PPM1H: variants seen among roughly 807,000 people sequenced by gnomAD.
PPM1H encodes the protein protein phosphatase, Mg2+/Mn2+ dependent 1H.
In PPM1H, 27 loss-of-function variants were observed where a neutral mutation model predicts 54.9. The observed-to-expected ratio is 0.49, with a 90% CI of 0.36 to 0.68. PPM1H has a LOEUF of 0.68. PPM1H is among the 30% of genes least tolerant of loss of function. The pLI is 0.00. For synonymous variants in PPM1H, 305 were observed against 270.8 expected, an observed-to-expected ratio of 1.13 and a Z score of -1.24; for missense variants, 596 against 667.8, an observed-to-expected ratio of 0.89 and a Z score of 1.19.
intron 3 of PPM1H, among the ~76,000 whole-genome samples, chr12:62,793,410 A>C (rs1264761584): frequency 1.3e-5 from 2 of 151,936 alleles, no homozygotes; most frequent in Non-Finnish European, 2.9e-5. Flanking sequence ...TCCTTGTTGC[A>C]AGGAGAAACG....
At chr12:62,929,043 C>A (rs1350631694) in intron 1 of PPM1H, among the ~76,000 whole-genome samples, 1 of 152,182 alleles carries the variant, frequency 6.6e-6, no homozygotes, top group Non-Finnish European at 1.5e-5. Context: ...CCTAATGTGA[C>A]TTAAAGGCTC....
chr12:62,895,326 T>A (rs1017257577), intron 1 of PPM1H, among the ~76,000 whole-genome samples: 24 of 152,194 alleles, frequency 1.6e-4, no homozygotes, highest in Admixed American at 1.3e-4. Flanking sequence ...TCAATGGTGG[T>A]ATTGGTTCAT....
intron 1 of PPM1H, among the ~76,000 whole-genome samples, chr12:62,875,458 G>T (rs931345225): frequency 2.6e-5 from 4 of 152,160 alleles, no homozygotes; most frequent in African/African-American, 9.7e-5. Flanking sequence ...GGCGAGGAAA[G>T]GTACATTCAC....
At chr12:62,904,803 T>C (rs1049869784) in intron 1 of PPM1H, among the ~76,000 whole-genome samples, 2 of 152,212 alleles carry the variant, frequency 1.3e-5, no homozygotes, top group African/African-American at 2.4e-5. Flanking sequence ...GTATATAAAA[T>C]AGTAGCGTGC....
At chr12:62,914,541 G>A (rs1302648779) in intron 1 of PPM1H, among the ~76,000 whole-genome samples, 3 of 152,290 alleles carry the variant, frequency 2.0e-5, no homozygotes, top group African/African-American at 7.2e-5. Context: ...CACATCTGTG[G>A]GAGAGGGAAG....
At chr12:62,655,127 A>G (rs2075836933) in intron 9 of PPM1H, among the ~76,000 whole-genome samples, 1 of 152,200 alleles carries the variant, frequency 6.6e-6, no homozygotes, top group Admixed American at 6.5e-5. Context: ...GAAACTCAGC[A>G]ACAGCATTAG....
At chr12:62,760,682 C>T (rs1179174475) in intron 4 of PPM1H, among the ~76,000 whole-genome samples, 4 of 152,164 alleles carry the variant, frequency 2.6e-5, no homozygotes, top group Admixed American at 6.5e-5. Context: ...TCATCAGACC[C>T]CACTAAATAT....
intron 7 of PPM1H, among the ~76,000 whole-genome samples, chr12:62,693,119 T>C (rs1056567929): frequency 6.6e-6 from 1 of 152,212 alleles, no homozygotes; most frequent in Non-Finnish European, 1.5e-5. Flanking sequence ...TGAAATGTAT[T>C]AGTGTTCCGA....
intron 1 of PPM1H, among the ~76,000 whole-genome samples, chr12:62,908,923 A>C (rs1286228128): frequency 1.3e-5 from 2 of 152,174 alleles, no homozygotes; most frequent in African/African-American, 2.4e-5. Context: ...TATCTGCTTA[A>C]AGGGGTGGAT....
intron 7 of PPM1H, among the ~76,000 whole-genome samples, chr12:62,691,501 T>C (rs925057833): frequency 6.6e-5 from 10 of 152,010 alleles, no homozygotes; most frequent in African/African-American, 2.4e-4. Flanking sequence ...CATGACACCT[T>C]TTTGAGGGCA....
At chr12:62,854,317 C>G (rs936115496) in intron 1 of PPM1H, among the ~76,000 whole-genome samples, 1 of 152,200 alleles carries the variant, frequency 6.6e-6, no homozygotes, top group Non-Finnish European at 1.5e-5. Context: ...TTAAAAGTTA[C>G]TCTGGTCTGC....
At chr12:62,846,754 A>G (rs1296472135) in intron 1 of PPM1H, among the ~76,000 whole-genome samples, 1 of 152,034 alleles carries the variant, frequency 6.6e-6, no homozygotes, top group African/African-American at 2.4e-5. Context: ...GTCCTTCAGT[A>G]TTCAGTTTGT....
intron 1 of PPM1H, among the ~76,000 whole-genome samples, chr12:62,872,404 T>G (rs1870018709): frequency 6.6e-6 from 1 of 152,180 alleles, no homozygotes; most frequent in East Asian, 1.9e-4. Flanking sequence ...AGCATTTCAA[T>G]TCTCCTAAAA....
At chr12:62,680,059 T>G (rs1197258296) in intron 8 of PPM1H, among the ~76,000 whole-genome samples, 1 of 152,134 alleles carries the variant, frequency 6.6e-6, no homozygotes, top group Non-Finnish European at 1.5e-5. Context: ...CATCAAGAGG[T>G]GGATCCAATT....
At chr12:62,682,808 T>C (rs1443906912) in intron 8 of PPM1H, among the ~76,000 whole-genome samples, 1 of 147,652 alleles carries the variant, frequency 6.8e-6, no homozygotes, top group African/African-American at 2.5e-5. Context: ...CTGGCCTTCA[T>C]TCTCTCTCTT....
At chr12:62,865,173 C>T (rs1319210549) in intron 1 of PPM1H, among the ~76,000 whole-genome samples, 1 of 152,172 alleles carries the variant, frequency 6.6e-6, no homozygotes, top group African/African-American at 2.4e-5. Flanking sequence ...GAAGCCCCTC[C>T]TAAGAAGGTG....
chr12:62,886,445 G>C (rs183300662), intron 1 of PPM1H, among the ~76,000 whole-genome samples: 12 of 152,252 alleles, frequency 7.9e-5, no homozygotes, highest in African/African-American at 2.6e-4. Context: ...GGTTGGAAAA[G>C]TGCTGTATTT....
chr12:62,931,803 T>C (rs890046719), intron 1 of PPM1H, among the ~76,000 whole-genome samples: 1 of 152,182 alleles, frequency 6.6e-6, no homozygotes, highest in African/African-American at 2.4e-5. Flanking sequence ...GTATAAGCAC[T>C]AAAGAGTAAG....
At chr12:62,686,405 G>A (rs763455727) in intron 8 of PPM1H, among the ~76,000 whole-genome samples, 2 of 152,228 alleles carry the variant, frequency 1.3e-5, no homozygotes, top group African/African-American at 2.4e-5. Context: ...TTTTTGGAAA[G>A]TAGAAAGGTG....
Sources: gnomAD v4.1 joint callset for allele counts (sites outside exome capture counted in the v4.1 genomes callset) on GRCh38, gnomAD v4.1.1 for gene constraint, MANE v1.5 for transcripts, NCBI Gene and HGNC (gene_info 2026-07-23, HGNC 2026-07-21) for gene names.